MDFIC: variants seen among roughly 807,000 people sequenced by gnomAD.
The protein encoded by MDFIC is myoD family inhibitor domain-containing protein.
MDFIC carries 17 observed loss-of-function variants against 23.2 expected under a neutral mutation model. The observed-to-expected ratio is 0.73, with a 90% confidence interval of 0.50 to 1.10. The LOEUF is 1.10. Ranked by LOEUF, MDFIC falls within the 50% of genes least tolerant of loss-of-function variation. MDFIC has a pLI of 0.00. For synonymous variants in MDFIC, 120 were observed against 115.2 expected, an observed-to-expected ratio of 1.04 and a Z score of -0.27; for missense variants, 356 against 316.6, an observed-to-expected ratio of 1.12 and a Z score of -0.95.
At chr7:114,928,113 A>T (rs1234172172) in intron 2 of MDFIC, among the ~76,000 whole-genome samples, 4 of 152,324 alleles carry the variant, frequency 2.6e-5, no homozygotes, top group Non-Finnish European at 4.4e-5. Context: ...TGTACATTTT[A>T]TGATTTTAGT....
intron 2 of MDFIC, among the ~76,000 whole-genome samples, chr7:114,936,473 T>A (rs895198629): frequency 6.6e-6 from 1 of 152,130 alleles, no homozygotes; most frequent in Non-Finnish European, 1.5e-5. Context: ...ACAGTTGTCT[T>A]ATAGAAAAGG....
Position 114,979,601 on chromosome 7 carries a change from A to G in MDFIC, c.313A>G (p.Asn105Asp). 1 of 1,614,128 alleles carries G rather than the reference A, an allele frequency of 6.2e-7. No homozygotes were observed. Among genetic ancestry groups the G allele is most frequent in the Non-Finnish European group, 8.5e-7 (1 of 1,180,002 alleles). Residue 105 changes from asparagine (N) to aspartate (D), a missense_variant, in exon 4 of 5, where the codon AAT becomes GAT. Asn to Asp is a conservative substitution (Grantham distance 23). Coordinates refer to ENST00000393486, the MANE Select transcript of MDFIC (RefSeq NM_001166345.3). The stretch of plus-strand genomic sequence containing the variant: ...AAAGAACGGCCACACAGGTCTGAGC[A>G]ATGGAAATGGAATTCACCACGGGGC... ...KIKNGHTGLS[N>D]GNGIHHGAKH...
chr7:114,988,099 T>C (rs985391024), intron 4 of MDFIC, among the ~76,000 whole-genome samples: 1 of 152,230 alleles, frequency 6.6e-6, no homozygotes, highest in Admixed American at 6.5e-5. Context: ...AAATAGAAGC[T>C]ATCAGCTATG....
rs555281897 is a variant in MDFIC at position 114,938,587 on chromosome 7, G to T, written c.95-3688G>T. 1.1e-3 allele frequency among the ~76,000 whole-genome samples: 160 copies of T among 152,228 alleles called. 1 individual carries two copies. The highest frequency in any genetic ancestry group is 3.4e-3 in the Middle Eastern group (1 of 294). ...TTTATGTTTCAAGAGCTGCACAGCGGTTCTAACCCTGAGCCAAAGTAGAGG... is the reference window on the plus strand; with the variant it reads ...TTTATGTTTCAAGAGCTGCACAGCGTTTCTAACCCTGAGCCAAAGTAGAGG... On this transcript the variant is annotated intron_variant, in intron 2 of 4. Coordinates refer to ENST00000393486, the MANE Select transcript of MDFIC (RefSeq NM_001166345.3).
chr7:115,014,627 A>G, intron 4 of MDFIC: 1 of 940,478 alleles, frequency 1.1e-6, no homozygotes, highest in Non-Finnish European at 1.4e-6. Flanking sequence ...AAACAAAAAA[A>G]CAAGGAACCC....
intron 4 of MDFIC, among the ~76,000 whole-genome samples, chr7:114,988,508 G>A (rs1220313721): frequency 2.6e-5 from 4 of 152,184 alleles, no homozygotes; most frequent in Admixed American, 1.3e-4. Flanking sequence ...GCAGGTAATA[G>A]AGGAATTGAA....
chr7:114,942,213 A>T, intron 2 of MDFIC, 62 bp from the exon 3 acceptor site: 1 of 1,083,890 alleles, frequency 9.2e-7, no homozygotes, highest in Non-Finnish European at 1.3e-6. Context: ...AAATGTATAT[A>T]CTAAAAAAGG....
chr7:114,939,554 A>AAATGTGCTC (rs1792498036), intron 2 of MDFIC, among the ~76,000 whole-genome samples: 2 of 152,224 alleles, frequency 1.3e-5, no homozygotes, highest in Admixed American at 1.3e-4. Flanking sequence ...TTGTCCATTA[A>AAATGTGCTC]TAACAATTTA....
At chr7:115,003,634 A>C (rs1791508771) in intron 4 of MDFIC, among the ~76,000 whole-genome samples, 1 of 152,140 alleles carries the variant, frequency 6.6e-6, no homozygotes, top group African/African-American at 2.4e-5. Context: ...AAAATTGAAG[A>C]TGTTTTACCT....
intron 4 of MDFIC, chr7:114,980,139 T>C: frequency 3.4e-6 from 1 of 297,174 alleles, no homozygotes; most frequent in South Asian, 3.2e-5. Flanking sequence ...TGTTATTCTA[T>C]AGTTCAGAGA....
chr7:114,928,629 C>A (rs937874279), intron 2 of MDFIC, among the ~76,000 whole-genome samples: 12 of 152,108 alleles, frequency 7.9e-5, no homozygotes, highest in African/African-American at 2.9e-4. Flanking sequence ...ACAAGATAGC[C>A]TAAAGTCAGT....
chr7:114,998,216 G>A (rs960284727), intron 4 of MDFIC, among the ~76,000 whole-genome samples: 1 of 152,114 alleles, frequency 6.6e-6, no homozygotes. Flanking sequence ...TGAGTGTCTT[G>A]TAGTTTATAA....
At chr7:114,950,182 G>T (rs901336588) in intron 3 of MDFIC, among the ~76,000 whole-genome samples, 1 of 152,160 alleles carries the variant, frequency 6.6e-6, no homozygotes, top group African/African-American at 2.4e-5. Flanking sequence ...GGCATTAAGA[G>T]ATCAACTGGA....
intron 3 of MDFIC, among the ~76,000 whole-genome samples, chr7:114,950,867 C>A (rs1792755407): frequency 6.6e-6 from 1 of 152,094 alleles, no homozygotes; most frequent in South Asian, 2.1e-4. Context: ...TCAGATGCCT[C>A]ATTGAAACTT....
intron 4 of MDFIC, among the ~76,000 whole-genome samples, chr7:114,997,990 G>T (rs1562825795): frequency 6.6e-6 from 1 of 152,086 alleles, no homozygotes. Context: ...AAGTTTTGGA[G>T]ACTTTCTACC....
chr7:114,982,824 A>T (rs371051013), intron 4 of MDFIC, among the ~76,000 whole-genome samples: 1 of 152,298 alleles, frequency 6.6e-6, no homozygotes, highest in Admixed American at 6.5e-5. Context: ...TCTGGAGATG[A>T]CCATTTTCTG....
At chr7:114,997,127 T>C (rs946057008) in intron 4 of MDFIC, among the ~76,000 whole-genome samples, 1 of 152,184 alleles carries the variant, frequency 6.6e-6, no homozygotes, top group African/African-American at 2.4e-5. Context: ...GGCTAGAGTG[T>C]GATTGAGATG....
chr7:115,004,292 C>T (rs1791524828), intron 4 of MDFIC, among the ~76,000 whole-genome samples: 1 of 152,110 alleles, frequency 6.6e-6, no homozygotes. Context: ...ACTCCTTGCT[C>T]ATTATTTACT....
chr7:114,944,989 G>T (rs1792616758), intron 3 of MDFIC, among the ~76,000 whole-genome samples: 3 of 152,226 alleles, frequency 2.0e-5, no homozygotes, highest in South Asian at 4.1e-4. Flanking sequence ...AAATGAGGCT[G>T]GCTGGGGTGT....
Sources: gnomAD v4.1 joint callset for allele counts (sites outside exome capture counted in the v4.1 genomes callset) on GRCh38, gnomAD v4.1.1 for gene constraint, MANE v1.5 for transcripts, NCBI Gene and HGNC (gene_info 2026-07-23, HGNC 2026-07-21) for gene names.